NRXN3: variants seen among roughly 807,000 people sequenced by gnomAD.
The protein encoded by NRXN3 is neurexin 3, also known as neurexin III.
A neutral mutation model predicts 137.6 loss-of-function variants in NRXN3; 32 were observed. The ratio of observed to expected loss-of-function variants is 0.23; its 90% CI spans 0.18 to 0.31. The LOEUF is 0.31. NRXN3 is among the 10% of genes least tolerant of loss of function. The pLI is 1.00. For missense variants in NRXN3, 1,574 were observed against 2,062.5 expected, an observed-to-expected ratio of 0.76 and a Z score of 4.59; for synonymous variants, 798 against 784.5, an observed-to-expected ratio of 1.02 and a Z score of -0.29.
intron 4 of NRXN3, among the ~76,000 whole-genome samples, chr14:78,547,493 T>G (rs1252349331): frequency 6.6e-6 from 1 of 152,178 alleles, no homozygotes; most frequent in Non-Finnish European, 1.5e-5. Flanking sequence ...GTATAATTTA[T>G]GTTTATTTTA....
chr14:79,582,095 T>TTTTGTTTG (rs555023744), intron 16 of NRXN3, among the ~76,000 whole-genome samples: 5 of 152,020 alleles, frequency 3.3e-5, no homozygotes, highest in Non-Finnish European at 5.9e-5. Context: ...GCCCAGCTGT[T>TTTTGTTTG]TTTGTTTGTT....
At chr14:79,563,690 T>C (rs1387504616) in intron 16 of NRXN3, among the ~76,000 whole-genome samples, 1 of 150,168 alleles carries the variant, frequency 6.7e-6, no homozygotes, top group African/African-American at 2.4e-5. Flanking sequence ...GGAGAAAGCA[T>C]GATAAACCTT....
intron 15 of NRXN3, among the ~76,000 whole-genome samples, chr14:79,054,276 G>C (rs1268837312): frequency 6.6e-6 from 1 of 151,886 alleles, no homozygotes; most frequent in Non-Finnish European, 1.5e-5. Context: ...AAACCTGCAC[G>C]TTATGCACAT....
intron 19 of NRXN3, among the ~76,000 whole-genome samples, chr14:79,788,163 T>G (rs1056288088): frequency 6.6e-6 from 1 of 152,148 alleles, no homozygotes; most frequent in Non-Finnish European, 1.5e-5. Context: ...CTCCCCTTTA[T>G]AAAACCATCC....
At chr14:78,321,731 G>C (rs143028854) in intron 4 of NRXN3, among the ~76,000 whole-genome samples, 12 of 152,094 alleles carry the variant, frequency 7.9e-5, no homozygotes, top group Non-Finnish European at 1.5e-4. Context: ...AAGTTTCAAG[G>C]TCCCTAAACC....
intron 19 of NRXN3, among the ~76,000 whole-genome samples, chr14:79,800,288 C>T (rs1326660036): frequency 1.3e-5 from 2 of 152,254 alleles, no homozygotes; most frequent in Middle Eastern, 3.4e-3. Flanking sequence ...CCTGGAGGAG[C>T]GTGGATGGTG....
At position 79,499,562 on chromosome 14, in the gene NRXN3, A is replaced by T. The variant is rs185331243; in HGVS notation, c.3444+32160A>T. Among the ~76,000 whole-genome samples the T allele has an allele frequency of 2.6e-5, 4 of 152,290 alleles. No individual in the cohort carries two copies. In the East Asian group the frequency reaches 7.7e-4, roughly 29 times the overall value. On this transcript the variant is annotated intron_variant, in intron 16 of 20. Coordinates refer to ENST00000335750, the MANE Select transcript of NRXN3 (RefSeq NM_001330195.2). ...ACTTTTGAATGAAAGTATCAAGGGGAAAAGGAATGTGACTGTTTAAATCAC... is the reference window on the plus strand; with the variant it reads ...ACTTTTGAATGAAAGTATCAAGGGGTAAAGGAATGTGACTGTTTAAATCAC...
intron 15 of NRXN3, among the ~76,000 whole-genome samples, chr14:79,267,523 A>G (rs891771629): frequency 2.6e-5 from 4 of 151,950 alleles, no homozygotes; most frequent in Non-Finnish European, 1.5e-5. Flanking sequence ...ACACCCAGCT[A>G]AGTTTTGTAT....
At chr14:79,013,005 C>A (rs910558631) in intron 15 of NRXN3, among the ~76,000 whole-genome samples, 1 of 152,100 alleles carries the variant, frequency 6.6e-6, no homozygotes, top group Non-Finnish European at 1.5e-5. Context: ...GCATTCTCTG[C>A]CTGACTTGCT....
At chr14:79,213,530 G>A (rs2068015890) in intron 15 of NRXN3, among the ~76,000 whole-genome samples, 1 of 151,936 alleles carries the variant, frequency 6.6e-6, no homozygotes, top group Non-Finnish European at 1.5e-5. Flanking sequence ...GAAGAACTTA[G>A]GAGGTTCTTA....
At chr14:79,225,042 C>T (rs557136450) in intron 15 of NRXN3, among the ~76,000 whole-genome samples, 1 of 152,252 alleles carries the variant, frequency 6.6e-6, no homozygotes, top group South Asian at 2.1e-4. Context: ...CACTGAGGGG[C>T]ATCCACAGAG....
intron 16 of NRXN3, among the ~76,000 whole-genome samples, chr14:79,641,554 A>G (rs1307234137): frequency 7.4e-6 from 1 of 135,620 alleles, no homozygotes; most frequent in East Asian, 2.0e-4. Flanking sequence ...CGCTGGGCTC[A>G]GCATGTTGGC....
chr14:79,205,506 A>G (rs763838358), intron 15 of NRXN3, among the ~76,000 whole-genome samples: 3 of 152,200 alleles, frequency 2.0e-5, no homozygotes, highest in Non-Finnish European at 4.4e-5. Flanking sequence ...CACAAAGTTA[A>G]TGAAAATAGG....
chr14:79,106,615 CCT>C (rs1442419632), intron 15 of NRXN3, among the ~76,000 whole-genome samples: 1 of 152,116 alleles, frequency 6.6e-6, no homozygotes, highest in Non-Finnish European at 1.5e-5. Flanking sequence ...ACCTTACTCT[CCT>C]CTGGACACAT....
chr14:79,384,862 G>A (rs1212120093), intron 15 of NRXN3, among the ~76,000 whole-genome samples: 1 of 152,126 alleles, frequency 6.6e-6, no homozygotes, highest in Admixed American at 6.5e-5. Context: ...ATGCATGTAA[G>A]TAAAATAACC....
At chr14:79,758,816 G>A (rs1487649383) in intron 19 of NRXN3, among the ~76,000 whole-genome samples, 2 of 152,120 alleles carry the variant, frequency 1.3e-5, no homozygotes, top group Non-Finnish European at 2.9e-5. Flanking sequence ...AACCACACAA[G>A]CATTATTCAA....
chr14:79,814,774 G>T (rs1485739064), intron 20 of NRXN3, among the ~76,000 whole-genome samples: 1 of 152,146 alleles, frequency 6.6e-6, no homozygotes, highest in Non-Finnish European at 1.5e-5. Context: ...CTGCTGTGTA[G>T]AACAGTGCCT....
intron 15 of NRXN3, among the ~76,000 whole-genome samples, chr14:79,094,624 A>G (rs2049894477): frequency 6.6e-6 from 1 of 152,166 alleles, no homozygotes; most frequent in Non-Finnish European, 1.5e-5. Flanking sequence ...TCTGTTCAAT[A>G]TATTTGTATT....
chr14:78,678,586 A>G (rs2098036578), intron 6 of NRXN3, among the ~76,000 whole-genome samples: 1 of 152,180 alleles, frequency 6.6e-6, no homozygotes, highest in Admixed American at 6.5e-5. Context: ...AAAGTGATGT[A>G]CAAATTCACA....
Sources: allele counts gnomAD v4.1 joint callset (sites outside exome capture counted in the v4.1 genomes callset), GRCh38; gene constraint gnomAD v4.1.1; transcripts MANE v1.5; gene names NCBI Gene and HGNC (gene_info 2026-07-23, HGNC 2026-07-21).